The following KHK variants were observed in gnomAD, a reference collection of about 807,000 sequenced individuals.
KHK encodes fructokinase.
A neutral mutation model predicts 36.0 loss-of-function variants in KHK; 37 were observed. The observed-to-expected ratio is 1.03, with a 90% CI of 0.79 to 1.35. The LOEUF is 1.35. Ranked by LOEUF, KHK falls within the 40% of genes most tolerant of loss-of-function variation. The probability of loss-of-function intolerance (pLI) is 0.00; values close to 1 mark genes in which losing one functional copy is unlikely to be tolerated. For synonymous variants in KHK, 161 were observed against 162.8 expected, an observed-to-expected ratio of 0.99 and a Z score of 0.08; for missense variants, 395 against 391.9, an observed-to-expected ratio of 1.01 and a Z score of -0.07.
intron 5 of KHK, 143 bp from the exon 6 acceptor site, chr2:27,099,053 G>A (rs1163474274): frequency 2.0e-5 from 16 of 812,512 alleles, no homozygotes; most frequent in Admixed American, 1.4e-4. Flanking sequence ...AGAAAACCAC[G>A]TTCCCGTGGG....
intron 3 of KHK, 86 bp downstream of exon 3, chr2:27,095,020 C>T: frequency 6.8e-7 from 1 of 1,464,026 alleles, no homozygotes. Flanking sequence ...GGCATCCCAA[C>T]TGCCCCCCTC....
chr2:27,099,355 G>C, intron 6 of KHK, 65 bp from the exon 7 acceptor site: 1 of 1,612,512 alleles, frequency 6.2e-7, no homozygotes. Flanking sequence ...GTCCGCCCTG[G>C]AGCTGGGAGG....
In KHK at chr2:27,096,795, C is replaced by T; in HGVS notation, c.411C>T (p.His137=). 6.2e-7 allele frequency: 1 copy of T among 1,613,328 alleles called. No homozygotes were observed. Among genetic ancestry groups the T allele is most frequent in the South Asian group, 1.1e-5 (1 of 91,078 alleles). ...KVDLTQFKWI[H]IEGRNASEQV... is the part of the protein sequence containing the mutation. Reference sequence around the variant, plus strand: ...ATCTGACCCAGTTCAAGTGGATCCACATTGAGGTAAGCCCTGCCTTACCTG... The same window carrying T: ...ATCTGACCCAGTTCAAGTGGATCCATATTGAGGTAAGCCCTGCCTTACCTG... The change falls in exon 4 of 8, where the codon CAC becomes CAT. Residue 137 remains histidine, a synonymous_variant. Coordinates refer to ENST00000260598, the MANE Select transcript of KHK (RefSeq NM_006488.3).
intron 1 of KHK, among the ~76,000 whole-genome samples, chr2:27,090,523 T>A (rs1669933762): frequency 1.3e-5 from 2 of 150,018 alleles, no homozygotes; most frequent in Non-Finnish European, 3.0e-5. Flanking sequence ...GGCATGATCT[T>A]GGCTCACTGC....
At position 27,094,797 on chromosome 2, in the gene KHK, A is replaced by T; in HGVS notation, c.210-3A>T. ...CTTTTCCTGGCCCGGCCTCCACCCT[A>T]AGCTTCCTGGTGGCCGACTTCAGGC... On this transcript the variant is annotated splice_region_variant and splice_polypyrimidine_tract_variant and intron_variant, in intron 2 of 7. Transcript: ENST00000260598. The T allele has an allele frequency of 6.2e-7, 1 of 1,613,692 alleles. No individual in the cohort carries two copies. Among genetic ancestry groups the T allele is most frequent in the Middle Eastern group, 1.6e-4 (1 of 6,062 alleles).
intron 5 of KHK, among the ~76,000 whole-genome samples, chr2:27,097,902 G>A (rs1670484567): frequency 6.6e-6 from 1 of 152,188 alleles, no homozygotes; most frequent in African/African-American, 2.4e-5. Flanking sequence ...TGCCCAGAGG[G>A]CTTGGGTAGG....
In KHK at chr2:27,096,805, AG is replaced by A. The variant is rs1670381454; in HGVS notation, c.417+5del. Reference sequence around the variant, plus strand: ...GTTCAAGTGGATCCACATTGAGGTAAGCCCTGCCTTACCTGTGTTTCAAGGG... The same window carrying A: ...GTTCAAGTGGATCCACATTGAGGTAACCCTGCCTTACCTGTGTTTCAAGGG... On this transcript the variant is annotated splice_donor_5th_base_variant and intron_variant, in intron 4 of 7. Transcript: ENST00000260598. The A allele has an allele frequency of 6.2e-7, 1 of 1,611,752 alleles. No homozygotes were observed. Among genetic ancestry groups the A allele is most frequent in the African/African-American group, 1.3e-5 (1 of 74,888 alleles).
In KHK at chr2:27,099,881, CTG is replaced by C; in HGVS notation, c.*135_*136del. 6.5e-7 allele frequency: 1 copy of C among 1,546,906 alleles called. No individual in the cohort carries two copies. Among genetic ancestry groups the C allele is most frequent in the Non-Finnish European group, 8.7e-7 (1 of 1,144,424 alleles). ...ATGCAAGCTGTGGGGAGGACTCTGC[CTG>C]TGTCCTGTGTTCCCCACAGGGAGAG... On this transcript the variant is annotated 3_prime_UTR_variant, in exon 8 of 8. Transcript: ENST00000260598.
intron 2 of KHK, 129 bp downstream of exon 2, chr2:27,092,577 G>C: frequency 1.4e-6 from 1 of 717,368 alleles, no homozygotes. Flanking sequence ...CGGGGAGGGG[G>C]CATGGCGGAG....
At chr2:27,087,426 CAG>C in intron 1 of KHK, 75 bp downstream of exon 1, 1 of 1,219,268 alleles carries the variant, frequency 8.2e-7, no homozygotes, top group East Asian at 2.6e-5. Flanking sequence ...ACCGAGGCTG[CAG>C]AGACCCCGCA....
chr2:27,096,176 T>C (rs1283662679), intron 3 of KHK, among the ~76,000 whole-genome samples: 1 of 152,218 alleles, frequency 6.6e-6, no homozygotes, highest in African/African-American at 2.4e-5. Flanking sequence ...GGCAGACCTC[T>C]ATCGGGAGTC....
chr2:27,090,688 C>A (rs954502270), intron 1 of KHK, among the ~76,000 whole-genome samples: 1 of 151,306 alleles, frequency 6.6e-6, no homozygotes, highest in South Asian at 2.1e-4. Flanking sequence ...CTCCTGACCT[C>A]GTGATCCACC....
chr2:27,092,471 AC>A, intron 2 of KHK, 23 bp downstream of exon 2: 1 of 1,533,404 alleles, frequency 6.5e-7, no homozygotes, highest in Non-Finnish European at 9.0e-7. Flanking sequence ...GGGAGAGCCC[AC>A]TGGGGAAGGC....
At position 27,096,792 on chromosome 2, in the gene KHK, CCACATTGAGGT is replaced by C. The variant is rs1670380635; in HGVS notation, c.409_417+2del. 1 of 1,613,436 alleles carries C rather than the reference CCACATTGAGGT, an allele frequency of 6.2e-7. No homozygotes were observed. Among genetic ancestry groups the C allele is most frequent in the African/African-American group, 1.3e-5 (1 of 74,924 alleles). ...TTGATCTGACCCAGTTCAAGTGGAT[CCACATTGAGGT>C]AAGCCCTGCCTTACCTGTGTTTCAA... On this transcript the variant is annotated splice_donor_variant and coding_sequence_variant, in exon 4 of 8. Coordinates refer to ENST00000260598, the MANE Select transcript of KHK (RefSeq NM_006488.3). LOFTEE classifies it high-confidence loss of function.
rs1558448733 is a variant in KHK at position 27,096,745 on chromosome 2, T to C, written c.361T>C (p.Ser121Pro). Residue 121 changes from serine (S) to proline (P), a missense_variant, in exon 4 of 8, where the codon TCT becomes CCT. By Grantham distance (74) the Ser-to-Pro change is moderately conservative. Transcript: ENST00000260598. ...GTGACCTAGGAGCCTGCCAGATGTGTCTGCTACAGACTTTGAGAAGGTTGA... is the reference window on the plus strand; with the variant it reads ...GTGACCTAGGAGCCTGCCAGATGTGCCTGCTACAGACTTTGAGAAGGTTGA... ...VLHDTSLPDV[S>P]ATDFEKVDLT... The C allele has an allele frequency of 6.2e-7, 1 of 1,614,070 alleles. No homozygotes were observed. The highest frequency in any genetic ancestry group is 1.1e-5 in the South Asian group (1 of 91,082).
At position 27,099,917 on chromosome 2, in the gene KHK, G is replaced by A; in HGVS notation, c.*167G>A. 6.9e-7 allele frequency: 1 copy of A among 1,459,580 alleles called. No individual in the cohort carries two copies. The highest frequency in any genetic ancestry group is 9.4e-7 in the Non-Finnish European group (1 of 1,065,660). The allele number at this position is 1,459,580 out of a possible 1,614,324, so 90.4% of individuals were successfully genotyped here. ...GTTCCCCACAGGGAGAGGCTCTGGG[G>A]GGATGGCTGGGGGATGCAGAGCCTC... On this transcript the variant is annotated 3_prime_UTR_variant, in exon 8 of 8. Coordinates refer to ENST00000260598, the MANE Select transcript of KHK (RefSeq NM_006488.3).
intron 1 of KHK, among the ~76,000 whole-genome samples, chr2:27,090,452 CTTTTTT>C (rs559420015): frequency 8.2e-5 from 9 of 110,126 alleles, no homozygotes; most frequent in Non-Finnish European, 1.1e-4. Context: ...TTTTTTCTTT[CTTTTTT>C]TTTTTTTTTT....
chr2:27,087,301 G>A lies in KHK; in HGVS notation c.42G>A (p.Leu14=), dbSNP rs199513802. The change falls in exon 1 of 8, where the codon CTG becomes CTA. Residue 14 remains leucine, a synonymous_variant. Transcript: ENST00000260598. ...TCCTGTGCGTGGGGCTAGTGGTGCT[G>A]GACGTCATCAGCCTGGTGGACAAGT... ...KQILCVGLVV[L]DVISLVDKYP... 35 of 1,601,538 alleles carry A rather than the reference G, an allele frequency of 2.2e-5. No homozygotes were observed. The highest frequency in any genetic ancestry group is 3.0e-5 in the Non-Finnish European group (35 of 1,173,830).
At chr2:27,093,784 G>A (rs550543664) in intron 2 of KHK, among the ~76,000 whole-genome samples, 147 of 152,304 alleles carry the variant, frequency 9.7e-4, no homozygotes, top group African/African-American at 3.3e-3. Context: ...CCTTGCCCCT[G>A]GGCTCACTCT....
Sources: gnomAD v4.1 joint callset for allele counts (sites outside exome capture counted in the v4.1 genomes callset) on GRCh38, gnomAD v4.1.1 for gene constraint, MANE v1.5 for transcripts, NCBI Gene and HGNC (gene_info 2026-07-23, HGNC 2026-07-21) for gene names.